The following INSYN1 variants were observed in gnomAD, a reference collection of about 807,000 sequenced individuals.
INSYN1 encodes the protein UPF0583 protein C15orf59.
A neutral mutation model predicts 17.1 loss-of-function variants in INSYN1; 7 were observed. That is an observed-to-expected ratio of 0.41 (90% CI 0.23 to 0.77). The LOEUF (loss-of-function observed/expected upper bound fraction) is 0.77. Among genes scored for constraint, INSYN1 ranks in the 30% least tolerant of loss-of-function variants. The probability of loss-of-function intolerance (pLI) is 0.32; values close to 1 mark genes in which losing one functional copy is unlikely to be tolerated. For missense variants in INSYN1, 339 were observed against 400.6 expected (o/e 0.85, Z 1.31); for synonymous variants, 174 against 166.3 (o/e 1.05, Z -0.36).
In INSYN1 at chr15:73,738,402, G is replaced by A. The variant is rs561596981; in HGVS notation, c.*1515C>T. ...CATCTCATTTGAAAAATGGGGATAG[G>A]TGGGGGCACAGTGGCTCACGCCTGT... On this transcript the variant is annotated 3_prime_UTR_variant, in exon 3 of 3. Transcript: ENST00000569673. 2.0e-5 allele frequency: 3 copies of A among 152,428 alleles called. No individual in the cohort carries two copies. Among genetic ancestry groups the A allele is most frequent in the East Asian group, 3.9e-4 (2 of 5,182 alleles). 9.4% of individuals were successfully genotyped at this position (152,428 alleles called of 1,614,324 possible).
rs1901660598 is a variant in INSYN1, at chr15:73,740,420, C to T, written c.379G>A (p.Gly127Ser). The T allele has an allele frequency of 6.2e-7, 1 of 1,612,900 alleles. No individual in the cohort carries two copies. Among genetic ancestry groups the T allele is most frequent in the African/African-American group, 1.3e-5 (1 of 74,910 alleles). Residue 127 changes from glycine (G) to serine (S), a missense_variant, in exon 3 of 3, where the codon GGT becomes AGT. Transcript: ENST00000569673. ...GCCCCTGGCCGAGTCGACTCGGGAC[C>T]ATCCACGGAGTCCGAGGGGGTAGAG... ...DVSTPSDSVD[G>S]PESTRPGAGP...
In INSYN1 at chr15:73,751,224, TCCA is replaced by T; in HGVS notation, c.-97_-95del. 2 of 1,479,944 alleles carry T rather than the reference TCCA, an allele frequency of 1.4e-6. No homozygotes were observed. The highest frequency in any genetic ancestry group is 4.9e-5 in the East Asian group (2 of 41,044). The allele number at this position is 1,479,944 out of a possible 1,614,324, so 91.7% of individuals were successfully genotyped here. ...GGAGCCCCCCTCGGCTGGGCAGAGC[TCCA>T]CATTTTAACGGCCCCCCAGCCCACC... On this transcript the variant is annotated 5_prime_UTR_variant, in exon 2 of 3. Coordinates refer to ENST00000569673, the MANE Select transcript of INSYN1 (RefSeq NM_001039614.3).
chr15:73,741,484 T>G (rs926148886), intron 2 of INSYN1, among the ~76,000 whole-genome samples: 1 of 152,192 alleles, frequency 6.6e-6, no homozygotes. Context: ...AGCCCTTGGC[T>G]TCTATACAGA....
chr15:73,750,163 G>A (rs1339403332), intron 2 of INSYN1, among the ~76,000 whole-genome samples: 2 of 152,244 alleles, frequency 1.3e-5, no homozygotes, highest in Non-Finnish European at 2.9e-5. Context: ...CGCTGGTCAT[G>A]CATTTTGGAC....
chr15:73,745,653 C>T (rs1901805363), intron 2 of INSYN1, among the ~76,000 whole-genome samples: 2 of 152,158 alleles, frequency 1.3e-5, no homozygotes, highest in Non-Finnish European at 2.9e-5. Context: ...GCAAACACAG[C>T]TGTTGGATGA....
chr15:73,746,719 G>C (rs1168144238), intron 2 of INSYN1, among the ~76,000 whole-genome samples: 1 of 152,184 alleles, frequency 6.6e-6, no homozygotes, highest in African/African-American at 2.4e-5. Context: ...AAGAGTCACC[G>C]ATGATGTGGG....
intron 2 of INSYN1, among the ~76,000 whole-genome samples, chr15:73,744,179 G>A (rs1165336496): frequency 6.6e-5 from 10 of 152,188 alleles, no homozygotes; most frequent in Non-Finnish European, 1.3e-4. Context: ...CCCGCACCAG[G>A]CCTAAGAGCA....
rs974772990 is a variant in INSYN1, at chr15:73,753,235, C to T, written c.-1693G>A. ...CGCCGCGCCGCCCGCGCCCCGGCCG[C>T]CCCCGGCCCGCCCCGCCGCCCCCCG... On this transcript the variant is annotated 5_prime_UTR_variant, in exon 1 of 3. Transcript: ENST00000569673. This position sits in a 1 kb window ranked among gnomAD's most constrained non-coding sequence, Gnocchi z 4.2. 6.9e-6 allele frequency among the ~76,000 whole-genome samples: 1 copy of T among 145,656 alleles called. No individual in the cohort carries two copies. The highest frequency in any genetic ancestry group is 2.5e-5 in the African/African-American group (1 of 40,710).
rs78429564 is a variant in INSYN1, at chr15:73,737,053, C to A, written c.*2864G>T. ...CTCCAGGATATACTCCCACCACTGC[C>A]CTATTTGGGGGCAAATGGCCAGGCA... On this transcript the variant is annotated 3_prime_UTR_variant, in exon 3 of 3. Coordinates refer to ENST00000569673, the MANE Select transcript of INSYN1 (RefSeq NM_001039614.3). The A allele has an allele frequency of 0.024, 3,625 of 152,486 alleles. 152 individuals are homozygous for A. The highest frequency in any genetic ancestry group is 0.082 in the African/African-American group (3,397 of 41,530). The allele number at this position is 152,486 out of a possible 1,614,324, so 9.4% of individuals were successfully genotyped here. A position where few individuals can be genotyped will look rare whatever the true frequency, so the allele number is the denominator to read the frequency against.
In INSYN1 at chr15:73,752,920, G is replaced by A. The variant is rs1308421023; in HGVS notation, c.-1378C>T. ...GGGAGCAGCGCCGGGCGGAGGAGAG[G>A]AGAGGAGGCGAGAAGAGGCGAGGGG... On this transcript the variant is annotated 5_prime_UTR_variant, in exon 1 of 3. Transcript: ENST00000569673. The surrounding 1 kb of genome is among the most constrained non-coding windows in gnomAD (Gnocchi z 5.2). Among the ~76,000 whole-genome samples, 1 of 149,690 alleles carries A rather than the reference G, an allele frequency of 6.7e-6. No homozygotes were observed. The highest frequency in any genetic ancestry group is 1.5e-5 in the Non-Finnish European group (1 of 67,028).
Position 73,740,198 on chromosome 15 carries a change from C to T in INSYN1, c.601G>A (p.Asp201Asn), listed in dbSNP as rs749472687. 6.8e-5 allele frequency: 110 copies of T among 1,614,026 alleles called. No individual in the cohort carries two copies. Among genetic ancestry groups the T allele is most frequent in the Non-Finnish European group, 8.5e-5 (100 of 1,180,036 alleles). The change falls in exon 3 of 3, where the codon GAT becomes AAT. Residue 201 changes from aspartate to asparagine, a missense_variant. Physicochemically the swap from Asp to Asn is conservative, Grantham distance 23. Transcript: ENST00000569673. ...KVLYHALCCD[D>N]EEGDGEQEVE... Reference sequence around the variant, plus strand: ...TCCTGCTCACCGTCCCCCTCCTCATCGTCACAGCACAGAGCATGGTAGAGC... The same window carrying T: ...TCCTGCTCACCGTCCCCCTCCTCATTGTCACAGCACAGAGCATGGTAGAGC...
In INSYN1 at chr15:73,740,397, C is replaced by T; in HGVS notation, c.402G>A (p.Gly134=). ...SVDGPESTRP[G]AGPDYRLMNG... ...TCATGAGGCGGTAGTCAGGGCCAGC[C>T]CCTGGCCGAGTCGACTCGGGACCAT... is the stretch of plus-strand genomic sequence containing the variant. Residue 134 remains glycine, a synonymous_variant, in exon 3 of 3, where the codon GGG becomes GGA. Coordinates refer to ENST00000569673, the MANE Select transcript of INSYN1 (RefSeq NM_001039614.3). The T allele has an allele frequency of 1.9e-6, 3 of 1,610,006 alleles. No homozygotes were observed. The highest frequency in any genetic ancestry group is 2.5e-6 in the Non-Finnish European group (3 of 1,178,052).
rs1386311144 is a variant in INSYN1, at chr15:73,745,928, GCTGA to G, written c.156+5043_156+5046del. Among the ~76,000 whole-genome samples the G allele has an allele frequency of 2.0e-5, 3 of 152,250 alleles. No homozygotes were observed. The East Asian group carries it at 5.8e-4, about 29-fold the overall frequency. ...GACGCCAACCCTCTCTCCAGCCCTG[GCTGA>G]GCCCCCTCTCCAGTGGAAGCTTTGC... On this transcript the variant is annotated intron_variant, in intron 2 of 2. Coordinates refer to ENST00000569673, the MANE Select transcript of INSYN1 (RefSeq NM_001039614.3).
In INSYN1 at chr15:73,750,869, G is replaced by A. The variant is rs1162276829; in HGVS notation, c.156+106C>T. ...GAAGGTCCCCAGTAGAGTGACACAT[G>A]TGCACGCAGCTTTGCACACTCCAAC... On this transcript the variant is annotated intron_variant, in intron 2 of 2. Coordinates refer to ENST00000569673, the MANE Select transcript of INSYN1 (RefSeq NM_001039614.3). The A allele has an allele frequency of 5.0e-6, 6 of 1,211,654 alleles. No homozygotes were observed. In the African/African-American group the frequency reaches 5.9e-5, roughly 12 times the overall value. The allele number at this position is 1,211,654 out of a possible 1,614,324, so 75.1% of individuals were successfully genotyped here.
At chr15:73,740,935 T>C (rs1901676906) in intron 2 of INSYN1, among the ~76,000 whole-genome samples, 1 of 152,178 alleles carries the variant, frequency 6.6e-6, no homozygotes, top group South Asian at 2.1e-4. Flanking sequence ...ACACCATCCA[T>C]TCACTCACCC....
chr15:73,748,003 C>T (rs142884443), intron 2 of INSYN1, among the ~76,000 whole-genome samples: 3 of 152,202 alleles, frequency 2.0e-5, no homozygotes, highest in African/African-American at 4.8e-5. Context: ...TAGGGGTTTG[C>T]GAGGGCGAGG....
rs957411074 is a variant in INSYN1 at position 73,736,053 on chromosome 15, G to A, written c.*3864C>T. 2.6e-5 allele frequency: 4 copies of A among 152,328 alleles called. No individual in the cohort carries two copies. Among genetic ancestry groups the A allele is most frequent in the Non-Finnish European group, 4.4e-5 (3 of 68,132 alleles). The allele number at this position is 152,328 out of a possible 1,614,324, so 9.4% of individuals were successfully genotyped here. On this transcript the variant is annotated 3_prime_UTR_variant, in exon 3 of 3. Coordinates refer to ENST00000569673, the MANE Select transcript of INSYN1 (RefSeq NM_001039614.3). The stretch of plus-strand genomic sequence containing the variant: ...GTCAGTGGAATAGGACTTCCCGGAA[G>A]CAGAGAGATCTGATGGAACATCCTG...
At chr15:73,749,913 G>A (rs1253773311) in intron 2 of INSYN1, among the ~76,000 whole-genome samples, 3 of 152,156 alleles carry the variant, frequency 2.0e-5, no homozygotes, top group Non-Finnish European at 4.4e-5. Flanking sequence ...AGGCCAGGCT[G>A]CAATGCCACT....
intron 2 of INSYN1, among the ~76,000 whole-genome samples, chr15:73,749,824 T>G (rs1171209374): frequency 6.6e-6 from 1 of 152,188 alleles, no homozygotes; most frequent in Non-Finnish European, 1.5e-5. Context: ...GGACAGCTCT[T>G]GTCCTGGCAT....
Sources: allele counts gnomAD v4.1 joint callset (sites outside exome capture counted in the v4.1 genomes callset), GRCh38; gene constraint gnomAD v4.1.1; non-coding constraint Gnocchi (gnomAD v3.1); transcripts MANE v1.5; gene names NCBI Gene and HGNC (gene_info 2026-07-23, HGNC 2026-07-21).